The following DOP1B variants were observed in gnomAD, a reference collection of about 807,000 sequenced individuals.
DOP1B encodes DOP1 leucine zipper like protein B.
DOP1B carries 174 observed loss-of-function variants against 233.5 expected under a neutral mutation model. The observed-to-expected ratio is 0.75, with a 90% CI of 0.66 to 0.85. The LOEUF is 0.85. DOP1B is among the 40% of genes least tolerant of loss of function. The pLI is 0.00. For missense variants in DOP1B, 2,652 were observed against 2,846.6 expected (o/e 0.93, Z 1.56); for synonymous variants, 1,190 against 1,185.6 (o/e 1.00, Z -0.08).
intron 18 of DOP1B, among the ~76,000 whole-genome samples, chr21:36,240,308 C>T (rs1166036122): frequency 2.6e-5 from 4 of 151,854 alleles, no homozygotes; most frequent in Admixed American, 1.3e-4. Context: ...GGTGAAACCC[C>T]GTCTCTACTA....
At chr21:36,291,575 G>A (rs2067560276) in intron 35 of DOP1B, among the ~76,000 whole-genome samples, 1 of 151,906 alleles carries the variant, frequency 6.6e-6, no homozygotes, top group African/African-American at 2.4e-5. Flanking sequence ...CAAAAAAGTG[G>A]GTTCCGATAT....
Position 36,281,306 on chromosome 21 carries a change from T to A in DOP1B, c.6032-177T>A, listed in dbSNP as rs73381550. Among the ~76,000 whole-genome samples, 702 of 152,160 alleles carry A rather than the reference T, an allele frequency of 4.6e-3. 6 individuals carry two copies. The highest frequency in any genetic ancestry group is 0.016 in the African/African-American group (660 of 41,522). ...ATGAGATCCTGTCTCAAATAAGAAATAAAAAGAGAAATAACTATTTTTTAA... is the reference window on the plus strand; with the variant it reads ...ATGAGATCCTGTCTCAAATAAGAAAAAAAAAGAGAAATAACTATTTTTTAA... On this transcript the variant is annotated intron_variant, in intron 31 of 36. Transcript: ENST00000691173.
intron 4 of DOP1B, among the ~76,000 whole-genome samples, chr21:36,206,403 G>A (rs919131380): frequency 2.0e-4 from 30 of 151,872 alleles, no homozygotes; most frequent in Non-Finnish European, 2.9e-5. Context: ...TGGCAGCATG[G>A]GTGTGTAGTC....
chr21:36,224,426 C>T lies in DOP1B; in HGVS notation c.1370+1076C>T, dbSNP rs900477422. On this transcript the variant is annotated intron_variant, in intron 11 of 36. Transcript: ENST00000691173. ...AACTCCTGACCTCAAGTGATCCACCCGCCTTGGCCTCCCAAATTGCTGGGA... is the reference window on the plus strand; with the variant it reads ...AACTCCTGACCTCAAGTGATCCACCTGCCTTGGCCTCCCAAATTGCTGGGA... 3.3e-5 allele frequency among the ~76,000 whole-genome samples: 5 copies of T among 151,990 alleles called. No individual in the cohort carries two copies. The South Asian group carries it at 6.2e-4, about 19-fold the overall frequency.
chr21:36,221,701 G>A (rs576176570), intron 10 of DOP1B, among the ~76,000 whole-genome samples: 1 of 152,002 alleles, frequency 6.6e-6, no homozygotes, highest in South Asian at 2.1e-4. Flanking sequence ...TCAGCCTCCT[G>A]AGTAGCTAGG....
chr21:36,193,895 C>A (rs1442777309), intron 2 of DOP1B, among the ~76,000 whole-genome samples: 1 of 152,194 alleles, frequency 6.6e-6, no homozygotes, highest in Non-Finnish European at 1.5e-5. Context: ...TGTCATTATA[C>A]TAAGAGGTCA....
chr21:36,238,442 C>T (rs1030923060), intron 16 of DOP1B, among the ~76,000 whole-genome samples, 159 bp from the exon 17 acceptor site: 4 of 152,224 alleles, frequency 2.6e-5, no homozygotes, highest in Non-Finnish European at 5.9e-5. Context: ...CCTTTTCCTT[C>T]TGGCCGAATC....
chr21:36,245,359 T>C lies in DOP1B; in HGVS notation c.3379T>C (p.Ser1127Pro). 6.2e-7 allele frequency: 1 copy of C among 1,614,002 alleles called. No individual in the cohort carries two copies. The highest frequency in any genetic ancestry group is 8.5e-7 in the Non-Finnish European group (1 of 1,179,984). ...CCACACGGACAGCGAGAACACGTCC[T>C]CCTTCTCCTCCCCTTCCCACGACCT... ...SCHTDSENTSSFSSPSHDLQE... is the reference protein window; with the variant it reads ...SCHTDSENTSPFSSPSHDLQE... The change falls in exon 19 of 37, where the codon TCC becomes CCC. Residue 1127 changes from serine to proline, a missense_variant. Ser to Pro is a moderately conservative substitution (Grantham distance 74, BLOSUM62 -1). This residue lies in a region of DOP1B where 2,617 missense variants were observed against 2,794.3 expected (regional missense o/e 0.94). Coordinates refer to ENST00000691173, the MANE Select transcript of DOP1B (RefSeq NM_001320714.2). This position sits in a 1 kb window ranked among gnomAD's most constrained non-coding sequence, Gnocchi z 5.5.
intron 30 of DOP1B, 105 bp downstream of exon 30, chr21:36,278,460 T>C: frequency 2.4e-6 from 3 of 1,253,186 alleles, no homozygotes; most frequent in Non-Finnish European, 3.3e-6. Context: ...AGCCATAGGA[T>C]CAACCCAAAT....
intron 15 of DOP1B, 75 bp downstream of exon 15, chr21:36,233,150 G>C (rs931955347): frequency 6.6e-7 from 1 of 1,523,878 alleles, no homozygotes; most frequent in African/African-American, 1.4e-5. Flanking sequence ...TATTGCTGGG[G>C]ATGGGGGCAG....
At chr21:36,221,610 T>G (rs1235307187) in intron 10 of DOP1B, among the ~76,000 whole-genome samples, 1 of 152,122 alleles carries the variant, frequency 6.6e-6, no homozygotes, top group Non-Finnish European at 1.5e-5. Flanking sequence ...AGAGTCTTGC[T>G]CTGTTGCCCA....
chr21:36,175,367 T>A (rs1250024745), intron 2 of DOP1B, among the ~76,000 whole-genome samples: 4 of 151,790 alleles, frequency 2.6e-5, no homozygotes, highest in Non-Finnish European at 4.4e-5. Flanking sequence ...CGCCTCGGCC[T>A]CCCAAAGTGC....
chr21:36,237,031 C>T (rs1050910236), intron 15 of DOP1B, among the ~76,000 whole-genome samples: 1 of 152,126 alleles, frequency 6.6e-6, no homozygotes, highest in African/African-American at 2.4e-5. Context: ...GTGATCTGCC[C>T]CACTTCGACC....
intron 2 of DOP1B, among the ~76,000 whole-genome samples, chr21:36,173,666 A>G (rs1490968427): frequency 1.3e-5 from 2 of 151,908 alleles, no homozygotes; most frequent in African/African-American, 4.8e-5. Flanking sequence ...CTCATGATTC[A>G]TCCGCCTCGG....
rs974420303 is a variant in DOP1B, at chr21:36,250,934, T to C, written c.4999-228T>C. Among the ~76,000 whole-genome samples, 6 of 152,002 alleles carry C rather than the reference T, an allele frequency of 3.9e-5. No homozygotes were observed. The East Asian group carries it at 9.7e-4, about 25-fold the overall frequency. On this transcript the variant is annotated intron_variant, in intron 21 of 36. Coordinates refer to ENST00000691173, the MANE Select transcript of DOP1B (RefSeq NM_001320714.2). ...TCCACCTTGGCTGCTCACTGCCCCT[T>C]CCCCCCGCCGGCATGACACGCCAAC...
chr21:36,270,230 T>G, intron 27 of DOP1B, 73 bp downstream of exon 27: 3 of 1,510,410 alleles, frequency 2.0e-6, no homozygotes, highest in Non-Finnish European at 2.7e-6. Flanking sequence ...AGAGAGATCT[T>G]GAGTGTTCTC....
intron 34 of DOP1B, 106 bp from the exon 35 acceptor site, chr21:36,288,939 C>A: frequency 6.7e-7 from 1 of 1,500,418 alleles, no homozygotes; most frequent in Admixed American, 2.2e-5. Flanking sequence ...CCAGCTATTC[C>A]AAAAATTTCT....
chr21:36,235,865 G>GGC (rs959870201), intron 15 of DOP1B, among the ~76,000 whole-genome samples: 4 of 145,390 alleles, frequency 2.8e-5, no homozygotes, highest in East Asian at 4.3e-4. Context: ...AAGGAAGTCG[G>GGC]GGGGGGGGCG....
Position 36,232,819 on chromosome 21 carries a change from G to GTT in DOP1B, c.2369_2370dup (p.Pro791PhefsTer5). 1.2e-6 allele frequency: 2 copies of GTT among 1,612,568 alleles called. No homozygotes were observed. Among genetic ancestry groups the GTT allele is most frequent in the Non-Finnish European group, 1.7e-6 (2 of 1,179,842 alleles). On this transcript the variant is annotated frameshift_variant, in exon 15 of 37. Transcript: ENST00000691173. LOFTEE classifies it high-confidence loss of function. ...TTCCTTTCAGGAGCCGGTGATTCCAGTTTTCCATCTTGGCTGAAGTCCCTC... is the reference window on the plus strand; with the variant it reads ...TTCCTTTCAGGAGCCGGTGATTCCAGTTTTTTCCATCTTGGCTGAAGTCCCTC...
Sources: gnomAD v4.1 joint callset for allele counts (sites outside exome capture counted in the v4.1 genomes callset) on GRCh38, gnomAD v4.1.1 for gene constraint, gnomAD v4.1.1 regional missense constraint, Gnocchi (gnomAD v3.1) non-coding constraint, MANE v1.5 for transcripts, NCBI Gene and HGNC (gene_info 2026-07-23, HGNC 2026-07-21) for gene names.